The following USP33 variants were observed in gnomAD, a reference collection of about 807,000 sequenced individuals.
The protein encoded by USP33 is ubiquitin carboxyl-terminal hydrolase 33.
In USP33, 46 loss-of-function variants were observed where a neutral mutation model predicts 124.2. That is an observed-to-expected ratio of 0.37 (90% CI 0.29 to 0.47). The LOEUF (loss-of-function observed/expected upper bound fraction) is 0.47, where lower values mean the gene tolerates loss of function less well. Ranked by LOEUF, USP33 falls within the 20% of genes least tolerant of loss-of-function variation. The probability of loss-of-function intolerance (pLI) is 0.99; values close to 1 mark genes in which losing one functional copy is unlikely to be tolerated. For synonymous variants in USP33, 350 were observed against 352.3 expected, an observed-to-expected ratio of 0.99 and a Z score of 0.07; for missense variants, 851 against 1,070.6, an observed-to-expected ratio of 0.79 and a Z score of 2.86.
chr1:77,730,754 G>A (rs1219838832), intron 7 of USP33, 23 bp from the exon 8 acceptor site: 44 of 1,515,986 alleles, frequency 2.9e-5, no homozygotes, highest in Non-Finnish European at 3.7e-5. Flanking sequence ...AGAGAAAAAT[G>A]TTAGAGTGGA....
At chr1:77,697,704 G>T in intron 23 of USP33, 159 bp downstream of exon 23, 1 of 917,582 alleles carries the variant, frequency 1.1e-6, no homozygotes, top group Non-Finnish European at 1.6e-6. Context: ...CCTTTCCTCA[G>T]ATAAAAAAAA....
Position 77,700,857 on chromosome 1 carries a change from C to T in USP33, c.2509+512G>A, listed in dbSNP as rs1394444697. On this transcript the variant is annotated intron_variant, in intron 22 of 23. Transcript: ENST00000370794. Reference sequence around the variant, plus strand: ...CTGGGATTACAGGTGACTGCCACCACACCCAGCTAATTTTTGTATTTTTAG... The same window carrying T: ...CTGGGATTACAGGTGACTGCCACCATACCCAGCTAATTTTTGTATTTTTAG... Among the ~76,000 whole-genome samples the T allele has an allele frequency of 4.6e-5, 7 of 152,030 alleles. 1 individual carries two copies. The highest frequency in any genetic ancestry group is 4.6e-4 in the Admixed American group (7 of 15,244).
intron 22 of USP33, among the ~76,000 whole-genome samples, chr1:77,698,670 T>A (rs1042104213): frequency 4.0e-5 from 6 of 151,522 alleles, no homozygotes; most frequent in African/African-American, 1.5e-4. Flanking sequence ...CCAGCTAATT[T>A]TTTGTATTTT....
Position 77,723,461 on chromosome 1 carries a change from T to A in USP33, c.1277-18A>T, listed in dbSNP as rs1557838082. On this transcript the variant is annotated intron_variant, in intron 11 of 23. Coordinates refer to ENST00000370794, the MANE Select transcript of USP33 (RefSeq NM_201624.3). Reference sequence around the variant, plus strand: ...AGACTGAGCTAGGATTGAAAAACATTAAAAAAAAATCAAAGCAGCTCCTTT... The same window carrying A: ...AGACTGAGCTAGGATTGAAAAACATAAAAAAAAAATCAAAGCAGCTCCTTT... The A allele has an allele frequency of 2.0e-6, 3 of 1,508,628 alleles. No individual in the cohort carries two copies. The highest frequency in any genetic ancestry group is 1.7e-4 in the Middle Eastern group (1 of 5,764). The allele number at this position is 1,508,628 out of a possible 1,614,324, so 93.5% of individuals were successfully genotyped here. A position where few individuals can be genotyped will look rare whatever the true frequency, so the allele number is the denominator to read the frequency against.
chr1:77,736,175 G>T lies in USP33; in HGVS notation c.352-17C>A. The stretch of plus-strand genomic sequence containing the variant: ...TTTAAAATCCTTGATAACAAAAAAA[G>T]ATAGCACACTTGAACAAATCCTTAA... On this transcript the variant is annotated splice_polypyrimidine_tract_variant and intron_variant, in intron 5 of 23. Coordinates refer to ENST00000370794, the MANE Select transcript of USP33 (RefSeq NM_201624.3). The T allele has an allele frequency of 6.5e-7, 1 of 1,542,258 alleles. No homozygotes were observed.
chr1:77,751,857 T>A (rs1280365604), intron 1 of USP33, among the ~76,000 whole-genome samples: 1 of 151,876 alleles, frequency 6.6e-6, no homozygotes, highest in Non-Finnish European at 1.5e-5. Context: ...CCCAGCTAAT[T>A]TTTTGTATTT....
chr1:77,728,196 A>G (rs1466376162), intron 10 of USP33, 99 bp downstream of exon 10: 5 of 1,307,486 alleles, frequency 3.8e-6, no homozygotes, highest in African/African-American at 1.5e-5. Context: ...CTGCTAAACT[A>G]TAATTCTAAT....
At position 77,725,741 on chromosome 1, in the gene USP33, G is replaced by A. The variant is rs890057080; in HGVS notation, c.1157C>T (p.Ser386Leu). Residue 386 changes from serine to leucine, a missense_variant, in exon 11 of 24, where the codon TCG (serine) becomes TTG (leucine). Ser to Leu is a moderately radical substitution (Grantham distance 145, BLOSUM62 -2). This residue lies in a region of USP33 where 207 missense variants were observed against 200.9 expected (regional missense o/e 1.03). Transcript: ENST00000370794. ...RASEYITDVH[S>L]NDLSTPQILP... ...GATCTGTGGTGTAGACAGGTCATTC[G>A]AATGGACATCAGTGATATATTCTGT... The A allele has an allele frequency of 2.2e-5, 35 of 1,612,842 alleles. No individual in the cohort carries two copies. Among genetic ancestry groups the A allele is most frequent in the African/African-American group, 4.0e-5 (3 of 74,828 alleles).
intron 21 of USP33, among the ~76,000 whole-genome samples, chr1:77,702,915 AGTGT>A (rs1302076889): frequency 3.3e-5 from 5 of 152,048 alleles, no homozygotes; most frequent in Admixed American, 6.6e-5. Context: ...GTGTGTAAGT[AGTGT>A]GTAAGTAGTG....
At chr1:77,713,171 C>T (rs775677316) in intron 20 of USP33, 29 bp downstream of exon 20, 2 of 1,580,496 alleles carry the variant, frequency 1.3e-6, no homozygotes, top group Non-Finnish European at 1.7e-6. Context: ...ACTTTCACAA[C>T]ACTGTATGGT....
intron 17 of USP33, among the ~76,000 whole-genome samples, chr1:77,716,378 C>G (rs1349746583): frequency 6.6e-6 from 1 of 152,048 alleles, no homozygotes; most frequent in East Asian, 1.9e-4. Context: ...TCCCACAGAC[C>G]CTGACCCAAT....
In USP33 at chr1:77,739,231, T is replaced by C; in HGVS notation, c.351+34A>G. 3 of 1,579,600 alleles carry C rather than the reference T, an allele frequency of 1.9e-6. No individual in the cohort carries two copies. The African/African-American group carries it at 4.1e-5, about 22-fold the overall frequency. ...AATTCTGAAATTATTACCGGAATGT[T>C]TTACAGCTTAACTAAGTGGATCTAG... On this transcript the variant is annotated intron_variant, in intron 5 of 23. Transcript: ENST00000370794.
At chr1:77,714,827 A>G in intron 18 of USP33, 44 bp from the exon 19 acceptor site, 5 of 1,585,202 alleles carry the variant, frequency 3.2e-6, no homozygotes, top group South Asian at 2.3e-5. Context: ...GCATTTTACT[A>G]CATTACTAGT....
At chr1:77,750,667 A>AG (rs1553201907) in intron 1 of USP33, among the ~76,000 whole-genome samples, 114 of 150,874 alleles carry the variant, frequency 7.6e-4, no homozygotes, top group African/African-American at 2.7e-3. Context: ...AAAGAAAGAA[A>AG]GAAAGAAAGA....
intron 15 of USP33, among the ~76,000 whole-genome samples, chr1:77,720,848 T>C (rs1676488872): frequency 1.3e-5 from 2 of 152,234 alleles, no homozygotes; most frequent in East Asian, 3.8e-4. Context: ...TGAAACTTTG[T>C]ACCTTTCACT....
chr1:77,753,180 A>G (rs1177114651), intron 1 of USP33, among the ~76,000 whole-genome samples: 2 of 152,244 alleles, frequency 1.3e-5, no homozygotes, highest in African/African-American at 4.8e-5. Flanking sequence ...TCAACCATAT[A>G]AACTGAGACC....
chr1:77,741,826 T>A, intron 1 of USP33, 78 bp from the exon 2 acceptor site: 1 of 1,301,890 alleles, frequency 7.7e-7, no homozygotes, highest in Non-Finnish European at 1.0e-6. Context: ...ATAAAAAAAT[T>A]AAAATGTTAA....
chr1:77,713,289 A>AT lies in USP33; in HGVS notation c.2216-9_2216-8insA, dbSNP rs2101283148. ...CTTTTCTTGGAGGAACACCTAAAAAAATATATAAACATATCTGTTTCATGC... is the reference window on the plus strand; with the variant it reads ...CTTTTCTTGGAGGAACACCTAAAAAATATATATAAACATATCTGTTTCATGC... On this transcript the variant is annotated splice_polypyrimidine_tract_variant and intron_variant, in intron 19 of 23. Transcript: ENST00000370794. The AT allele has an allele frequency of 6.4e-7, 1 of 1,569,288 alleles. No homozygotes were observed.
At position 77,734,421 on chromosome 1, in the gene USP33, T is replaced by TAAGA; in HGVS notation, c.455-9_455-6dup. ...TATTTTTCAAACCTGTAAGACCTAT[T>TAAGA]AAGAAAAAATATACATGAAGTCATC... On this transcript the variant is annotated splice_region_variant and splice_polypyrimidine_tract_variant and intron_variant, in intron 6 of 23. Coordinates refer to ENST00000370794, the MANE Select transcript of USP33 (RefSeq NM_201624.3). 6.4e-7 allele frequency: 1 copy of TAAGA among 1,552,618 alleles called. No homozygotes were observed. Among genetic ancestry groups the TAAGA allele is most frequent in the East Asian group, 2.3e-5 (1 of 44,140 alleles).
Sources: allele counts gnomAD v4.1 joint callset (sites outside exome capture counted in the v4.1 genomes callset), GRCh38; gene constraint gnomAD v4.1.1; regional missense constraint gnomAD v4.1.1; transcripts MANE v1.5; gene names NCBI Gene and HGNC (gene_info 2026-07-23, HGNC 2026-07-21).